COQ10A: variants seen among roughly 807,000 people sequenced by gnomAD.
COQ10A encodes coenzyme Q-binding protein COQ10 homolog A, mitochondrial.
A neutral mutation model predicts 26.1 loss-of-function variants in COQ10A; 25 were observed. The observed-to-expected ratio is 0.96, with a 90% CI of 0.70 to 1.34. The LOEUF (loss-of-function observed/expected upper bound fraction) is 1.34. Ranked by LOEUF, COQ10A falls within the 40% of genes most tolerant of loss-of-function variation. The pLI, the probability that COQ10A is intolerant of heterozygous loss-of-function variation, is 0.00. For missense variants in COQ10A, 312 were observed against 335.4 expected (o/e 0.93, Z 0.54); for synonymous variants, 132 against 124.0 (o/e 1.06, Z -0.43).
Position 56,268,166 on chromosome 12 carries a change from T to A in COQ10A, c.281+226T>A, listed in dbSNP as rs549002614. ...AAGTGAAATGAGACTAGGGTTGGAC[T>A]ATACTTTAAGACAACAGGGCGTAGC... On this transcript the variant is annotated intron_variant, in intron 2 of 4. Transcript: ENST00000308197. 1.3e-4 allele frequency: 80 copies of A among 601,562 alleles called. 1 individual carries two copies. The East Asian group carries it at 2.4e-3, about 18-fold the overall frequency. The allele number at this position is 601,562 out of a possible 1,614,324, so 37.3% of individuals were successfully genotyped here.
At chr12:56,270,117 G>C (rs1872470183) in intron 4 of COQ10A, 33 bp from the exon 5 acceptor site, 1 of 1,601,688 alleles carries the variant, frequency 6.2e-7, no homozygotes, top group East Asian at 2.2e-5. Context: ...AACATGGTCT[G>C]GAAGTTTCTG....
rs1194897588 is a variant in COQ10A at position 56,269,508 on chromosome 12, C to T, written c.523C>T (p.Arg175Ter). 5.0e-6 allele frequency: 8 copies of T among 1,614,132 alleles called. No homozygotes were observed. The highest frequency in any genetic ancestry group is 6.8e-6 in the Non-Finnish European group (8 of 1,179,994). ...CTTCAACCACTTAGAGACTATTTGG[C>T]GATTCAGCCCTGGTATTCCTGCCTA... Reference protein sequence around the residue: ...KLFNHLETIWRFSPGIPAYPR... With the variant: ...KLFNHLETIW Residue 175 changes from arginine to a stop codon, truncating the protein, a stop_gained, in exon 4 of 5, where the codon CGA becomes TGA. Coordinates refer to ENST00000308197, the MANE Select transcript of COQ10A (RefSeq NM_144576.4). LOFTEE classifies it high-confidence loss of function.
intron 2 of COQ10A, 137 bp downstream of exon 2, chr12:56,268,077 T>G (rs775962288): frequency 3.7e-6 from 4 of 1,089,066 alleles, no homozygotes; most frequent in East Asian, 4.8e-5. Flanking sequence ...ATACTGATCC[T>G]CAGTCCTCCC....
At chr12:56,267,285 G>T in intron 1 of COQ10A, 33 bp downstream of exon 1, 1 of 1,588,810 alleles carries the variant, frequency 6.3e-7, no homozygotes, top group Non-Finnish European at 8.6e-7. Flanking sequence ...TGAGGGCAGG[G>T]GGTCGCTGCG....
At chr12:56,268,879 G>A in intron 2 of COQ10A, 180 bp from the exon 3 acceptor site, 2 of 578,396 alleles carry the variant, frequency 3.5e-6, no homozygotes, top group Admixed American at 3.0e-5. Context: ...AAAATATAAG[G>A]TAACAGTATC....
chr12:56,268,838 A>G (rs1872423982), intron 2 of COQ10A: 1 of 508,700 alleles, frequency 2.0e-6, no homozygotes, highest in Non-Finnish European at 3.5e-6. Flanking sequence ...ATCAAAATAA[A>G]CAATGAATGC....
chr12:56,268,991 G>C, intron 2 of COQ10A, 68 bp from the exon 3 acceptor site: 2 of 1,320,772 alleles, frequency 1.5e-6, no homozygotes, highest in Non-Finnish European at 2.2e-6. Context: ...GTATGAATTA[G>C]GGGCCTATAG....
chr12:56,269,164 T>C lies in COQ10A; in HGVS notation c.387T>C (p.His129=). The C allele has an allele frequency of 6.2e-7, 1 of 1,614,164 alleles. No homozygotes were observed. The highest frequency in any genetic ancestry group is 8.5e-7 in the Non-Finnish European group (1 of 1,180,024). Residue 129 remains histidine, a synonymous_variant, in exon 3 of 5, where the codon CAT becomes CAC. Coordinates refer to ENST00000308197, the MANE Select transcript of COQ10A (RefSeq NM_144576.4). ...TGGTGGTATCCAGCCGTAAGGGTCA[T>C]TTGAAAGCCCAGCTGGAGGTTGGCT... ...KSLVVSSRKG[H]LKAQLEVGFP... is the part of the protein sequence containing the mutation.
At position 56,270,233 on chromosome 12, in the gene COQ10A, C is replaced by G. The variant is rs371992923; in HGVS notation, c.660C>G (p.Ala220=). The change falls in exon 5 of 5, where the codon GCC becomes GCG. Residue 220 remains alanine, a synonymous_variant. Coordinates refer to ENST00000308197, the MANE Select transcript of COQ10A (RefSeq NM_144576.4). ...FDEVVKQNVA[A]FERRAATKFG... ...AGGTTGTCAAACAGAATGTTGCTGC[C>G]TTTGAGCGTCGGGCAGCCACCAAGT... 2.5e-6 allele frequency: 4 copies of G among 1,614,050 alleles called. No homozygotes were observed. The African/African-American group carries it at 5.3e-5, about 22-fold the overall frequency.
Position 56,270,459 on chromosome 12 carries a change from T to C in COQ10A, c.*142T>C. 1 of 876,848 alleles carries C rather than the reference T, an allele frequency of 1.1e-6. No homozygotes were observed. Among genetic ancestry groups the C allele is most frequent in the South Asian group, 1.8e-5 (1 of 55,188 alleles). 54.3% of individuals were successfully genotyped at this position (876,848 alleles called of 1,614,324 possible). A position where few individuals can be genotyped will look rare whatever the true frequency, so the allele number is the denominator to read the frequency against. ...TCCTCTCAATTTCCCAGAAATTGGG[T>C]TCTATGCTGGCTGGAAATGTTGGGG... is the stretch of plus-strand genomic sequence containing the variant. On this transcript the variant is annotated 3_prime_UTR_variant, in exon 5 of 5. Transcript: ENST00000308197.
intron 2 of COQ10A, chr12:56,268,186 C>A: frequency 1.9e-6 from 1 of 528,752 alleles, no homozygotes. Flanking sequence ...GACAACAGGG[C>A]GTAGCTGGGT....
chr12:56,267,280 G>T (rs890079719), intron 1 of COQ10A, 28 bp downstream of exon 1: 1 of 1,584,624 alleles, frequency 6.3e-7, no homozygotes, highest in South Asian at 1.1e-5. Flanking sequence ...GCGGCTGAGG[G>T]CAGGGGGTCG....
intron 1 of COQ10A, chr12:56,267,574 C>G: frequency 8.4e-7 from 1 of 1,186,072 alleles, no homozygotes. Flanking sequence ...CCCTTTTTCT[C>G]ATCCCCCTCA....
chr12:56,269,944 A>G (rs1872462911), intron 4 of COQ10A: 2 of 599,944 alleles, frequency 3.3e-6, no homozygotes, highest in South Asian at 4.0e-5. Context: ...TTATTCTTTA[A>G]GTATAGCTAG....
intron 1 of COQ10A, chr12:56,267,590 C>T: frequency 8.7e-7 from 1 of 1,146,008 alleles, no homozygotes; most frequent in Non-Finnish European, 1.3e-6. Context: ...CCTCACCCCG[C>T]CCCCAGCCCT....
In COQ10A at chr12:56,269,180, G is replaced by A. The variant is rs1439469970; in HGVS notation, c.403G>A (p.Glu135Lys). Residue 135 changes from glutamate to lysine, a missense_variant, in exon 3 of 5, where the codon GAG (glutamate) becomes AAG (lysine). Coordinates refer to ENST00000308197, the MANE Select transcript of COQ10A (RefSeq NM_144576.4). ...TAAGGGTCATTTGAAAGCCCAGCTG[G>A]AGGTTGGCTTTCCACCTGTCATGGA... ...SRKGHLKAQL[E>K]VGFPPVMERY... The A allele has an allele frequency of 4.3e-6, 7 of 1,614,064 alleles. No individual in the cohort carries two copies. Among genetic ancestry groups the A allele is most frequent in the Non-Finnish European group, 5.9e-6 (7 of 1,180,030 alleles).
At chr12:56,268,131 G>A in intron 2 of COQ10A, 191 bp downstream of exon 2, 1 of 725,260 alleles carries the variant, frequency 1.4e-6, no homozygotes, top group Non-Finnish European at 2.2e-6. Context: ...TGGTTGCTGT[G>A]CATGTGCTTA....
At chr12:56,267,529 G>A in intron 1 of COQ10A, 1 of 1,490,028 alleles carries the variant, frequency 6.7e-7, no homozygotes, top group Non-Finnish European at 9.3e-7. Context: ...CAGTAGTGTA[G>A]GCCCAGTCAA....
intron 1 of COQ10A, 87 bp downstream of exon 1, chr12:56,267,339 G>A: frequency 6.2e-7 from 1 of 1,613,488 alleles, no homozygotes; most frequent in South Asian, 1.1e-5. Flanking sequence ...CTGGGATGCA[G>A]GCGCGGCGGG....
Sources: gnomAD v4.1 joint callset for allele counts on GRCh38, gnomAD v4.1.1 for gene constraint, MANE v1.5 for transcripts, NCBI Gene and HGNC (gene_info 2026-07-23, HGNC 2026-07-21) for gene names.